Variants in CSMD1 observed in about 807,000 individuals in gnomAD.
The protein encoded by CSMD1 is CUB and sushi domain-containing protein 1.
Under a neutral mutation model 417.5 loss-of-function variants are expected in CSMD1, and 213 were observed. The ratio of observed to expected loss-of-function variants is 0.51; its 90% CI spans 0.46 to 0.57. The LOEUF (loss-of-function observed/expected upper bound fraction) is 0.57, where lower values mean the gene tolerates loss of function less well. CSMD1 is among the 20% of genes least tolerant of loss of function. The pLI, the probability that CSMD1 is intolerant of heterozygous loss-of-function variation, is 0.00. For missense variants in CSMD1, 6,923 were observed against 4,529.7 expected (o/e 1.53, Z -15.17); for synonymous variants, 2,862 against 1,736.8 (o/e 1.65, Z -16.11).
At chr8:4,617,555 T>C (rs1801539991) in intron 2 of CSMD1, among the ~76,000 whole-genome samples, 1 of 152,168 alleles carries the variant, frequency 6.6e-6, no homozygotes, top group Admixed American at 6.6e-5. Context: ...GATTCCATCA[T>C]GGTGGCGCTC....
chr8:3,757,617 C>G (rs977614801), intron 5 of CSMD1, among the ~76,000 whole-genome samples: 1 of 152,114 alleles, frequency 6.6e-6, no homozygotes, highest in South Asian at 2.1e-4. Flanking sequence ...AATCCCAGCA[C>G]TTTGGGATGC....
chr8:3,861,722 T>G (rs1165696303), intron 5 of CSMD1, among the ~76,000 whole-genome samples: 1 of 152,196 alleles, frequency 6.6e-6, no homozygotes, highest in Non-Finnish European at 1.5e-5. Flanking sequence ...GTTTTGTGTT[T>G]TGTCTGCTAT....
intron 5 of CSMD1, among the ~76,000 whole-genome samples, chr8:3,866,259 C>T (rs868707387): frequency 3.9e-5 from 6 of 152,112 alleles, no homozygotes; most frequent in Non-Finnish European, 5.9e-5. Flanking sequence ...TTTGTAATTA[C>T]CTATAAACAA....
chr8:3,184,897 T>G (rs1821647975), intron 36 of CSMD1, among the ~76,000 whole-genome samples: 1 of 152,214 alleles, frequency 6.6e-6, no homozygotes, highest in African/African-American at 2.4e-5. Flanking sequence ...AGAATGCTCT[T>G]TGACAAGTCC....
chr8:4,907,993 C>T (rs1445032123), intron 1 of CSMD1, among the ~76,000 whole-genome samples: 1 of 152,024 alleles, frequency 6.6e-6, no homozygotes, highest in East Asian at 1.9e-4. Context: ...TCTAATACAC[C>T]ATCTGGGAAT....
At position 3,957,948 on chromosome 8, in the gene CSMD1, G is replaced by A. The variant is rs577873286; in HGVS notation, c.818+39955C>T. ...TTCTCAGGGCAGCAAATCCTGCAGG[G>A]TATAAAATATTTGAAAATATTTTTA... On this transcript the variant is annotated intron_variant, in intron 5 of 69. Coordinates refer to ENST00000635120, the MANE Select transcript of CSMD1 (RefSeq NM_033225.6). Among the ~76,000 whole-genome samples, 18 of 152,184 alleles carry A rather than the reference G, an allele frequency of 1.2e-4. No homozygotes were observed. In the East Asian group the frequency reaches 3.1e-3, roughly 26 times the overall value.
At position 4,081,300 on chromosome 8, in the gene CSMD1, C is replaced by T. The variant is rs1357282504; in HGVS notation, c.416-49201G>A. 3.9e-5 allele frequency among the ~76,000 whole-genome samples: 6 copies of T among 152,298 alleles called. 1 individual carries two copies. The South Asian group carries it at 8.3e-4, about 21-fold the overall frequency. ...CGATTCTCGTCTCCTAGCAGGTAAG[C>T]TCTATGGTCCCCTCCCACGTTGAAT... On this transcript the variant is annotated intron_variant, in intron 3 of 69. Coordinates refer to ENST00000635120, the MANE Select transcript of CSMD1 (RefSeq NM_033225.6).
intron 2 of CSMD1, among the ~76,000 whole-genome samples, chr8:4,463,130 T>G (rs1049383462): frequency 6.6e-6 from 1 of 152,106 alleles, no homozygotes; most frequent in Non-Finnish European, 1.5e-5. Context: ...GGCACAATAA[T>G]CGAATAGACG....
At chr8:4,129,754 A>T (rs543851442) in intron 3 of CSMD1, among the ~76,000 whole-genome samples, 79 of 152,216 alleles carry the variant, frequency 5.2e-4, no homozygotes, top group Non-Finnish European at 1.6e-4. Flanking sequence ...GGAAATAACC[A>T]TCCTGGAAAA....
intron 3 of CSMD1, among the ~76,000 whole-genome samples, chr8:4,037,658 T>C (rs1174191403): frequency 6.6e-6 from 1 of 152,178 alleles, no homozygotes; most frequent in Admixed American, 6.5e-5. Context: ...GAAAATGTTT[T>C]CCCATCAGTA....
rs193075370 is a variant in CSMD1 at position 4,578,890 on chromosome 8, T to C, written c.302+58452A>G. Among the ~76,000 whole-genome samples, 45 of 151,170 alleles carry C rather than the reference T, an allele frequency of 3.0e-4. No individual in the cohort carries two copies. In the East Asian group the frequency reaches 8.3e-3, roughly 28 times the overall value. On this transcript the variant is annotated intron_variant, in intron 2 of 69. Transcript: ENST00000635120. ...TAGAAGGCACATTTTACTAGATCAT[T>C]ATTTTGAAATCACCATGTGAAAACC...
chr8:3,902,837 T>C (rs1807846901), intron 5 of CSMD1, among the ~76,000 whole-genome samples: 2 of 151,218 alleles, frequency 1.3e-5, no homozygotes, highest in African/African-American at 4.9e-5. Context: ...CTGGCCCATC[T>C]TGGATACTGA....
At chr8:3,857,941 A>G (rs900343306) in intron 5 of CSMD1, among the ~76,000 whole-genome samples, 2 of 152,204 alleles carry the variant, frequency 1.3e-5, no homozygotes, top group African/African-American at 4.8e-5. Context: ...AATCAAATAA[A>G]GCCTACACTG....
chr8:4,126,834 A>C (rs1802791871), intron 3 of CSMD1, among the ~76,000 whole-genome samples: 1 of 152,100 alleles, frequency 6.6e-6, no homozygotes. Flanking sequence ...TGTCCAGGAC[A>C]AGTAAAGTGG....
At chr8:4,658,284 C>A (rs1180990095) in intron 1 of CSMD1, among the ~76,000 whole-genome samples, 1 of 151,984 alleles carries the variant, frequency 6.6e-6, no homozygotes, top group Non-Finnish European at 1.5e-5. Context: ...TCAAAGAGAT[C>A]CATACTGGGA....
intron 5 of CSMD1, among the ~76,000 whole-genome samples, chr8:3,805,950 G>T (rs1800712583): frequency 6.6e-6 from 1 of 152,152 alleles, no homozygotes. Flanking sequence ...CTCTTGAAAG[G>T]CTCCTTCTTC....
chr8:3,689,449 T>C (rs1489733425), intron 7 of CSMD1, among the ~76,000 whole-genome samples: 2 of 152,222 alleles, frequency 1.3e-5, no homozygotes, highest in Non-Finnish European at 1.5e-5. Flanking sequence ...GAAGTAATTA[T>C]GGATAGACGT....
intron 3 of CSMD1, among the ~76,000 whole-genome samples, chr8:4,361,331 A>G (rs867388011): frequency 2.0e-5 from 3 of 152,206 alleles, no homozygotes; most frequent in African/African-American, 7.2e-5. Flanking sequence ...AGATAATGAT[A>G]TATCTGATAT....
chr8:3,329,654 C>T (rs4875192), intron 23 of CSMD1, among the ~76,000 whole-genome samples: 7,299 of 152,236 alleles, frequency 0.048, 404 homozygotes, highest in East Asian at 0.25. Flanking sequence ...TGCCTGCCAT[C>T]AAAAGTAAAG....
Sources: gnomAD v4.1 joint callset for allele counts (sites outside exome capture counted in the v4.1 genomes callset) on GRCh38, gnomAD v4.1.1 for gene constraint, MANE v1.5 for transcripts, NCBI Gene and HGNC (gene_info 2026-07-23, HGNC 2026-07-21) for gene names.